CTNNA3: variants seen among roughly 807,000 people sequenced by gnomAD.
CTNNA3 encodes the protein catenin alpha-3.
A neutral mutation model predicts 95.7 loss-of-function variants in CTNNA3; 76 were observed. The observed-to-expected ratio is 0.79, with a 90% CI of 0.66 to 0.96. CTNNA3 has a LOEUF of 0.96. CTNNA3 is among the 40% of genes least tolerant of loss of function. The pLI is 0.00. For synonymous variants in CTNNA3, 431 were observed against 374.4 expected (o/e 1.15, Z -1.74); for missense variants, 1,191 against 1,089.8 (o/e 1.09, Z -1.31).
At position 67,197,042 on chromosome 10, in the gene CTNNA3, T is replaced by A. The variant is rs559237622; in HGVS notation, c.844-16522A>T. On this transcript the variant is annotated intron_variant, in intron 6 of 17. Transcript: ENST00000433211. ...AAATACAGATGATTTTTATACACAA[T>A]AAGATTGTCATTAAAACTAAAGTAT... is the stretch of plus-strand genomic sequence containing the variant. Among the ~76,000 whole-genome samples the A allele has an allele frequency of 8.5e-5, 13 of 152,234 alleles. No homozygotes were observed. The South Asian group carries it at 2.5e-3, about 29-fold the overall frequency.
At chr10:67,245,359 T>A (rs1390911925) in intron 5 of CTNNA3, among the ~76,000 whole-genome samples, 1 of 152,194 alleles carries the variant, frequency 6.6e-6, no homozygotes, top group African/African-American at 2.4e-5. Context: ...TCTGTACTAT[T>A]TGTCACTAAT....
At chr10:66,113,621 T>G (rs1256449504) in intron 13 of CTNNA3, among the ~76,000 whole-genome samples, 2 of 152,198 alleles carry the variant, frequency 1.3e-5, no homozygotes, top group Non-Finnish European at 2.9e-5. Flanking sequence ...ATTGGACTAA[T>G]TATTTATAAA....
chr10:67,367,069 A>G (rs915987113), intron 5 of CTNNA3, among the ~76,000 whole-genome samples: 1 of 152,186 alleles, frequency 6.6e-6, no homozygotes, highest in African/African-American at 2.4e-5. Context: ...CAATTGCAAC[A>G]AAAATGAAAA....
intron 9 of CTNNA3, among the ~76,000 whole-genome samples, chr10:66,631,554 TCTGATTAAAGCA>T (rs1176935058): frequency 6.6e-6 from 1 of 152,144 alleles, no homozygotes; most frequent in Non-Finnish European, 1.5e-5. Flanking sequence ...TTATGCCTAT[TCTGATTAAAGCA>T]AAGCAAAACT....
intron 12 of CTNNA3, among the ~76,000 whole-genome samples, chr10:66,290,700 T>C (rs1564842667): frequency 1.3e-5 from 2 of 152,218 alleles, no homozygotes; most frequent in East Asian, 1.9e-4. Flanking sequence ...CTACCTGATA[T>C]GACATACAGA....
chr10:67,065,861 G>A (rs2133234991), intron 7 of CTNNA3, among the ~76,000 whole-genome samples: 1 of 152,022 alleles, frequency 6.6e-6, no homozygotes, highest in Admixed American at 6.5e-5. Context: ...ACATAATTCA[G>A]TAGGACCTCA....
Position 66,711,266 on chromosome 10 carries a change from A to AC in CTNNA3, c.1281+54997_1281+54998insG, listed in dbSNP as rs201655509. Among the ~76,000 whole-genome samples, 269 of 151,466 alleles carry AC rather than the reference A, an allele frequency of 1.8e-3. 7 individuals are homozygous for AC. In the East Asian group the frequency reaches 0.044, roughly 25 times the overall value. On this transcript the variant is annotated intron_variant, in intron 9 of 17. Coordinates refer to ENST00000433211, the MANE Select transcript of CTNNA3 (RefSeq NM_013266.4). Reference sequence around the variant, plus strand: ...TCACCGTGAACAAGAAACAAAAAAAAAAAAAAAAAAGTAAGAAACTTCAGC... The same window carrying AC: ...TCACCGTGAACAAGAAACAAAAAAAACAAAAAAAAAAGTAAGAAACTTCAGC...
At chr10:66,130,423 T>A (rs2083031896) in intron 13 of CTNNA3, among the ~76,000 whole-genome samples, 1 of 144,530 alleles carries the variant, frequency 6.9e-6, no homozygotes, top group South Asian at 2.5e-4. Flanking sequence ...AAAATCAGGA[T>A]CTGTTTTTTT....
chr10:67,494,204 T>A (rs567850766), intron 5 of CTNNA3, among the ~76,000 whole-genome samples: 7 of 152,340 alleles, frequency 4.6e-5, no homozygotes, highest in East Asian at 3.9e-4. Context: ...AGGGTTTTTT[T>A]AATTGCTTTA....
chr10:67,701,873 G>A (rs915155493), intron 1 of CTNNA3, among the ~76,000 whole-genome samples: 1 of 152,068 alleles, frequency 6.6e-6, no homozygotes, highest in African/African-American at 2.4e-5. Context: ...GCTGTATTCA[G>A]GAAACCCATC....
In CTNNA3 at chr10:66,515,921, T is replaced by C. The variant is rs148093774; in HGVS notation, c.1531+4696A>G. On this transcript the variant is annotated intron_variant, in intron 11 of 17. Transcript: ENST00000433211. ...TTTTGGTGGGGACATAGCCAAGCCATATCAATCATTCTTCACAAGTACCAG... is the reference window on the plus strand; with the variant it reads ...TTTTGGTGGGGACATAGCCAAGCCACATCAATCATTCTTCACAAGTACCAG... Among the ~76,000 whole-genome samples, 479 of 152,208 alleles carry C rather than the reference T, an allele frequency of 3.1e-3. 4 individuals are homozygous for C. Among genetic ancestry groups the C allele is most frequent in the Non-Finnish European group, 5.0e-3 (337 of 68,018 alleles).
chr10:66,665,193 GC>G (rs1846406200), intron 9 of CTNNA3, among the ~76,000 whole-genome samples: 1 of 134,062 alleles, frequency 7.5e-6, no homozygotes, highest in South Asian at 2.6e-4. Flanking sequence ...TAAATTTTCT[GC>G]CTTTTCAGTT....
chr10:66,183,910 T>C (rs2086184244), intron 13 of CTNNA3, among the ~76,000 whole-genome samples: 1 of 152,212 alleles, frequency 6.6e-6, no homozygotes, highest in South Asian at 2.1e-4. Flanking sequence ...CTTTTTACCT[T>C]ATTGAATTGA....
At chr10:67,378,033 C>G (rs917571739) in intron 5 of CTNNA3, among the ~76,000 whole-genome samples, 1 of 152,114 alleles carries the variant, frequency 6.6e-6, no homozygotes, top group Non-Finnish European at 1.5e-5. Context: ...GCGCATGCCA[C>G]AAAACAAGGC....
chr10:66,984,539 G>A (rs1850620719), intron 7 of CTNNA3, among the ~76,000 whole-genome samples: 1 of 152,154 alleles, frequency 6.6e-6, no homozygotes, highest in African/African-American at 2.4e-5. Context: ...ACAAAGCCAT[G>A]AGGATAGATT....
intron 13 of CTNNA3, among the ~76,000 whole-genome samples, chr10:66,266,001 A>G (rs1276220835): frequency 6.6e-6 from 1 of 151,714 alleles, no homozygotes; most frequent in Non-Finnish European, 1.5e-5. Context: ...ATAAAAAGAC[A>G]ATAAATGGAT....
intron 6 of CTNNA3, among the ~76,000 whole-genome samples, chr10:67,195,436 G>A (rs1198547226): frequency 6.8e-6 from 1 of 146,744 alleles, no homozygotes; most frequent in Non-Finnish European, 1.5e-5. Context: ...CTGGTAGAAT[G>A]AGGAAAATAA....
chr10:67,066,009 A>G (rs1420869311), intron 7 of CTNNA3, among the ~76,000 whole-genome samples: 1 of 152,082 alleles, frequency 6.6e-6, no homozygotes, highest in African/African-American at 2.4e-5. Flanking sequence ...AAATATTATT[A>G]GAAATAATAA....
At chr10:67,303,014 C>T (rs1232296696) in intron 5 of CTNNA3, among the ~76,000 whole-genome samples, 1 of 152,180 alleles carries the variant, frequency 6.6e-6, no homozygotes, top group Non-Finnish European at 1.5e-5. Flanking sequence ...TTGGACCTCA[C>T]CCGAGACCTA....
Sources: allele counts gnomAD v4.1 joint callset (sites outside exome capture counted in the v4.1 genomes callset), GRCh38; gene constraint gnomAD v4.1.1; transcripts MANE v1.5; gene names NCBI Gene and HGNC (gene_info 2026-07-23, HGNC 2026-07-21).